GALNTL6: variants seen among roughly 807,000 people sequenced by gnomAD.
GALNTL6 encodes polypeptide N-acetylgalactosaminyltransferase-like 6.
GALNTL6 carries 46 observed loss-of-function variants against 73.7 expected under a neutral mutation model. That is an observed-to-expected ratio of 0.62 (90% CI 0.49 to 0.80). GALNTL6 has a LOEUF of 0.80. Ranked by LOEUF, GALNTL6 falls within the 30% of genes least tolerant of loss-of-function variation. The probability of loss-of-function intolerance (pLI) is 0.00; values close to 1 mark genes in which losing one functional copy is unlikely to be tolerated. For synonymous variants in GALNTL6, 259 were observed against 263.7 expected (o/e 0.98, Z 0.17); for missense variants, 604 against 755.0 (o/e 0.80, Z 2.34).
intron 5 of GALNTL6, among the ~76,000 whole-genome samples, chr4:172,746,150 AT>A (rs560773780): frequency 7.8e-4 from 119 of 152,140 alleles, no homozygotes; most frequent in African/African-American, 2.7e-3. Flanking sequence ...ATTATAGGCA[AT>A]TATTATTATT....
At chr4:172,373,469 C>T (rs1179475798) in intron 5 of GALNTL6, among the ~76,000 whole-genome samples, 1 of 152,142 alleles carries the variant, frequency 6.6e-6, no homozygotes, top group Non-Finnish European at 1.5e-5. Context: ...TGCTGCATTT[C>T]CTTACTAAGC....
At chr4:172,653,321 G>C (rs938445112) in intron 5 of GALNTL6, among the ~76,000 whole-genome samples, 2 of 150,738 alleles carry the variant, frequency 1.3e-5, no homozygotes, top group African/African-American at 4.9e-5. Context: ...CCAGATTCAA[G>C]TGATTCTCCT....
chr4:172,275,609 T>A (rs540986076), intron 3 of GALNTL6, among the ~76,000 whole-genome samples: 3 of 152,330 alleles, frequency 2.0e-5, no homozygotes, highest in Non-Finnish European at 2.9e-5. Context: ...GATTACTTAT[T>A]AAAAGGCTTT....
At chr4:171,944,215 A>G (rs1404648045) in intron 2 of GALNTL6, among the ~76,000 whole-genome samples, 1 of 152,058 alleles carries the variant, frequency 6.6e-6, no homozygotes, top group Non-Finnish European at 1.5e-5. Flanking sequence ...CCAGATGTCC[A>G]TGACTTGTAA....
Position 173,037,034 on chromosome 4 carries a change from G to A in GALNTL6, c.1639-2899G>A, listed in dbSNP as rs1408309251. On this transcript the variant is annotated intron_variant, in intron 12 of 12. Transcript: ENST00000506823. ...TTCACAAGCTCAGCTGAGTAGAAACGTAAAGATGGCAATGATGTAGCTTAG... is the reference window on the plus strand; with the variant it reads ...TTCACAAGCTCAGCTGAGTAGAAACATAAAGATGGCAATGATGTAGCTTAG... 2.6e-5 allele frequency among the ~76,000 whole-genome samples: 4 copies of A among 152,330 alleles called. No homozygotes were observed. In the South Asian group the frequency reaches 6.2e-4, roughly 24 times the overall value.
intron 5 of GALNTL6, among the ~76,000 whole-genome samples, chr4:172,466,767 A>G (rs530681285): frequency 6.6e-6 from 1 of 152,334 alleles, no homozygotes; most frequent in East Asian, 1.9e-4. Flanking sequence ...TATCTCAGGT[A>G]ATTTTCTTTT....
chr4:172,053,453 C>T (rs1730935489), intron 2 of GALNTL6, among the ~76,000 whole-genome samples: 1 of 152,124 alleles, frequency 6.6e-6, no homozygotes, highest in South Asian at 2.1e-4. Context: ...CTGAAAGCTG[C>T]TTCCTTTAGT....
Position 171,901,510 on chromosome 4 carries a change from C to G in GALNTL6, c.138+86792C>G, listed in dbSNP as rs950688622. ...GAAATATTTTTCTTTCCTCCTCCCC[C>G]ACTCCCCTTCCTCATGTAATCAGAG... is the stretch of plus-strand genomic sequence containing the variant. On this transcript the variant is annotated intron_variant, in intron 2 of 12. Transcript: ENST00000506823. 2.0e-5 allele frequency among the ~76,000 whole-genome samples: 3 copies of G among 152,216 alleles called. No homozygotes were observed. The South Asian group carries it at 6.2e-4, about 32-fold the overall frequency.
At chr4:172,817,542 T>G (rs1741677072) in intron 7 of GALNTL6, among the ~76,000 whole-genome samples, 1 of 152,232 alleles carries the variant, frequency 6.6e-6, no homozygotes, top group Non-Finnish European at 1.5e-5. Context: ...AGGAAATTCT[T>G]GTTATTCATG....
At chr4:172,148,806 A>G (rs1733991830) in intron 2 of GALNTL6, among the ~76,000 whole-genome samples, 1 of 152,226 alleles carries the variant, frequency 6.6e-6, no homozygotes, top group Non-Finnish European at 1.5e-5. Flanking sequence ...TGATTATGCT[A>G]TCCAATCAAG....
chr4:172,721,055 G>A (rs1735442606), intron 5 of GALNTL6, among the ~76,000 whole-genome samples: 1 of 152,078 alleles, frequency 6.6e-6, no homozygotes, highest in South Asian at 2.1e-4. Context: ...CTATGTTCGG[G>A]AACTATAAAA....
At chr4:172,136,414 C>T (rs1186874444) in intron 2 of GALNTL6, among the ~76,000 whole-genome samples, 1 of 151,924 alleles carries the variant, frequency 6.6e-6, no homozygotes, top group African/African-American at 2.4e-5. Flanking sequence ...TTTTTAAAAA[C>T]ATACCTGGGC....
At chr4:172,250,552 G>A (rs1737824109) in intron 3 of GALNTL6, among the ~76,000 whole-genome samples, 2 of 152,036 alleles carry the variant, frequency 1.3e-5, no homozygotes, top group South Asian at 4.1e-4. Flanking sequence ...TGTTGTGGGA[G>A]GGACCCCATA....
At chr4:172,792,684 T>TC (rs1236889120) in intron 5 of GALNTL6, among the ~76,000 whole-genome samples, 5 of 151,618 alleles carry the variant, frequency 3.3e-5, no homozygotes, top group Non-Finnish European at 5.9e-5. Context: ...TTTTTTTTTT[T>TC]TTTCCTTGAA....
At chr4:172,908,189 G>T (rs1013856514) in intron 8 of GALNTL6, among the ~76,000 whole-genome samples, 2 of 152,146 alleles carry the variant, frequency 1.3e-5, no homozygotes, top group Admixed American at 6.5e-5. Context: ...CGTATGAATT[G>T]TTTATTTCTA....
intron 5 of GALNTL6, among the ~76,000 whole-genome samples, chr4:172,355,266 A>G (rs1742109522): frequency 6.6e-6 from 1 of 152,090 alleles, no homozygotes; most frequent in Non-Finnish European, 1.5e-5. Context: ...TAATTTACAA[A>G]GATATATTTG....
chr4:171,941,237 T>C lies in GALNTL6; in HGVS notation c.138+126519T>C, dbSNP rs543935785. On this transcript the variant is annotated intron_variant, in intron 2 of 12. Coordinates refer to ENST00000506823, the MANE Select transcript of GALNTL6 (RefSeq NM_001034845.3). ...GTGAAGCTTGACTCATTGTTGACTGTATTCATTGTAGAACTCTCCACCTTA... is the reference window on the plus strand; with the variant it reads ...GTGAAGCTTGACTCATTGTTGACTGCATTCATTGTAGAACTCTCCACCTTA... Among the ~76,000 whole-genome samples, 16 of 152,360 alleles carry C rather than the reference T, an allele frequency of 1.1e-4. No homozygotes were observed. The South Asian group carries it at 2.5e-3, about 24-fold the overall frequency.
intron 5 of GALNTL6, among the ~76,000 whole-genome samples, chr4:172,353,981 A>G (rs1742058222): frequency 1.3e-5 from 2 of 152,184 alleles, no homozygotes; most frequent in South Asian, 2.1e-4. Flanking sequence ...AGACAAATCA[A>G]TCAGCACAAG....
At chr4:171,890,307 GGAAAATCA>G in intron 2 of GALNTL6, among the ~76,000 whole-genome samples, 1 of 152,132 alleles carries the variant, frequency 6.6e-6, no homozygotes, top group Admixed American at 6.6e-5. Flanking sequence ...TAGCTCTAGA[GGAAAATCA>G]GAAAATCAGA....
Sources: gnomAD v4.1 joint callset for allele counts (sites outside exome capture counted in the v4.1 genomes callset) on GRCh38, gnomAD v4.1.1 for gene constraint, MANE v1.5 for transcripts, NCBI Gene and HGNC (gene_info 2026-07-23, HGNC 2026-07-21) for gene names.